TUSC3: variants seen among roughly 807,000 people sequenced by gnomAD.
TUSC3 encodes the protein dolichyl-diphosphooligosaccharide--protein glycosyltransferase subunit TUSC3.
TUSC3 carries 45 observed loss-of-function variants against 44.8 expected under a neutral mutation model. The observed-to-expected ratio is 1.00, with a 90% CI of 0.79 to 1.29. The LOEUF (loss-of-function observed/expected upper bound fraction) is 1.29. TUSC3 is among the 50% of genes most tolerant of loss of function. The pLI is 0.00. For synonymous variants in TUSC3, 212 were observed against 152.9 expected, an observed-to-expected ratio of 1.39 and a Z score of -2.85; for missense variants, 519 against 437.9, an observed-to-expected ratio of 1.19 and a Z score of -1.65.
intron 1 of TUSC3, among the ~76,000 whole-genome samples, chr8:15,468,599 C>T (rs139541705): frequency 8.9e-4 from 136 of 152,244 alleles, no homozygotes; most frequent in African/African-American, 3.2e-3. Context: ...ATGCCCCCCT[C>T]TAATAAACAT....
chr8:15,803,837 A>C, the TUSC3 span, among the ~76,000 whole-genome samples: 1 of 152,066 alleles, frequency 6.6e-6, no homozygotes, highest in Non-Finnish European at 1.5e-5. Flanking sequence ...TATGAGAATG[A>C]TGGTTTCCAG....
chr8:15,484,476 G>C (rs1418810935), intron 2 of TUSC3, among the ~76,000 whole-genome samples: 1 of 152,188 alleles, frequency 6.6e-6, no homozygotes, highest in Admixed American at 6.5e-5. Flanking sequence ...GTAGGACATA[G>C]AGCAAGTACG....
At chr8:15,619,641 G>A (rs1179389307) in intron 1 of TUSC3, among the ~76,000 whole-genome samples, 2 of 151,928 alleles carry the variant, frequency 1.3e-5, no homozygotes, top group Non-Finnish European at 2.9e-5. Context: ...ACAGGTGCCC[G>A]CCACCACGCC....
At chr8:15,513,816 A>T (rs2129128467) in intron 2 of TUSC3, among the ~76,000 whole-genome samples, 1 of 152,276 alleles carries the variant, frequency 6.6e-6, no homozygotes, top group Admixed American at 6.5e-5. Flanking sequence ...CTTATATCTC[A>T]CCAGAGTCAA....
the TUSC3 span, among the ~76,000 whole-genome samples, chr8:15,786,183 A>C: frequency 5.9e-5 from 9 of 152,304 alleles, no homozygotes; most frequent in Non-Finnish European, 1.2e-4. Context: ...TGTTTCTCAC[A>C]CCTCTAAAGA....
At chr8:15,463,285 A>G (rs1464497491) in intron 1 of TUSC3, among the ~76,000 whole-genome samples, 2 of 152,164 alleles carry the variant, frequency 1.3e-5, no homozygotes, top group African/African-American at 2.4e-5. Flanking sequence ...ATATGCTGTT[A>G]TTTTAGCTAG....
chr8:15,500,915 T>A (rs1324643990), intron 2 of TUSC3, among the ~76,000 whole-genome samples: 7 of 152,200 alleles, frequency 4.6e-5, no homozygotes, highest in Admixed American at 6.5e-5. Flanking sequence ...CAACCAAACA[T>A]AATAACTTTA....
chr8:15,433,867 C>G (rs1340635555), intron 1 of TUSC3, among the ~76,000 whole-genome samples: 2 of 152,008 alleles, frequency 1.3e-5, no homozygotes, highest in Non-Finnish European at 2.9e-5. Context: ...GTCATTATTA[C>G]AGAAATCAAG....
upstream of TUSC3, among the ~76,000 whole-genome samples, chr8:15,539,837 G>C (rs1360880369): frequency 1.3e-5 from 2 of 152,142 alleles, no homozygotes; most frequent in Non-Finnish European, 2.9e-5. Flanking sequence ...CAGTTGTGAA[G>C]TTGTGGGGCG....
chr8:15,660,533 T>C lies in TUSC3; in HGVS notation c.567+886T>C, dbSNP rs117146467. Among the ~76,000 whole-genome samples the C allele has an allele frequency of 9.6e-3, 1,467 of 152,026 alleles. 9 individuals are homozygous for C. Among genetic ancestry groups the C allele is most frequent in the Middle Eastern group, 0.027 (8 of 294 alleles). On this transcript the variant is annotated intron_variant, in intron 4 of 10. Transcript: ENST00000503731. ...CACAACTACTTTTGACAGTAAACAA[T>C]TGGAGCCAGTTATTTTAAAAGTACG... is the stretch of plus-strand genomic sequence containing the variant.
At chr8:15,850,190 G>A in the TUSC3 span, among the ~76,000 whole-genome samples, 29 of 150,884 alleles carry the variant, frequency 1.9e-4, no homozygotes, top group East Asian at 7.9e-4. Flanking sequence ...TTCCCAATAA[G>A]GTTTATGGTG....
intron 6 of TUSC3, among the ~76,000 whole-genome samples, chr8:15,679,935 T>C (rs1263221191): frequency 2.0e-5 from 3 of 152,262 alleles, no homozygotes; most frequent in African/African-American, 7.2e-5. Context: ...TTGTGTTCCA[T>C]TGGTCTGCAT....
intron 1 of TUSC3, among the ~76,000 whole-genome samples, chr8:15,464,720 A>C (rs1800392282): frequency 6.6e-6 from 1 of 152,210 alleles, no homozygotes; most frequent in Non-Finnish European, 1.5e-5. Flanking sequence ...CTGTCTGTAA[A>C]GCAAATTGAT....
chr8:15,454,713 A>G lies in TUSC3; in HGVS notation n.92-28673A>G, dbSNP rs1585051725. The stretch of plus-strand genomic sequence containing the variant: ...GTATTATGTAACTGAAATCATTTTA[A>G]TCAGGACCTAATAAACTGGACTGCA... On this transcript the variant is annotated intron_variant and non_coding_transcript_variant, in intron 1 of 5. Coordinates refer to the TUSC3 transcript ENST00000503191. Among the ~76,000 whole-genome samples the G allele has an allele frequency of 2.0e-5, 3 of 152,302 alleles. No homozygotes were observed. The South Asian group carries it at 6.2e-4, about 32-fold the overall frequency.
chr8:15,505,171 G>A (rs1254386919), intron 2 of TUSC3, among the ~76,000 whole-genome samples: 1 of 152,120 alleles, frequency 6.6e-6, no homozygotes, highest in South Asian at 2.1e-4. Flanking sequence ...TTTACTTCAT[G>A]ACTGTTTTCA....
At chr8:15,786,815 G>A in the TUSC3 span, among the ~76,000 whole-genome samples, 1 of 151,492 alleles carries the variant, frequency 6.6e-6, no homozygotes, top group Non-Finnish European at 1.5e-5. Flanking sequence ...GTGGTGGTGG[G>A]CGCCTGTAAT....
chr8:15,798,610 G>A, the TUSC3 span, among the ~76,000 whole-genome samples: 1 of 150,614 alleles, frequency 6.6e-6, no homozygotes, highest in Non-Finnish European at 1.5e-5. Context: ...CAAAGGAACT[G>A]CAAATTTGTT....
chr8:15,591,775 A>T (rs1284950206), intron 1 of TUSC3, among the ~76,000 whole-genome samples: 1 of 152,198 alleles, frequency 6.6e-6, no homozygotes, highest in Non-Finnish European at 1.5e-5. Context: ...GAAAGTGGTT[A>T]TAATAAGATT....
intron 3 of TUSC3, 92 bp from the exon 4 acceptor site, chr8:15,659,415 T>C: frequency 2.0e-6 from 3 of 1,480,542 alleles, no homozygotes; most frequent in East Asian, 2.4e-5. Flanking sequence ...TAATAAATGC[T>C]GTTTTCCCCG....
Sources: allele counts gnomAD v4.1 joint callset (sites outside exome capture counted in the v4.1 genomes callset), GRCh38; gene constraint gnomAD v4.1.1; transcripts MANE v1.5; gene names NCBI Gene and HGNC (gene_info 2026-07-23, HGNC 2026-07-21).